Variants in ZSWIM5 observed in about 807,000 individuals in gnomAD.
The protein encoded by ZSWIM5 is zinc finger SWIM domain-containing protein 5.
ZSWIM5 carries 55 observed loss-of-function variants against 119.6 expected under a neutral mutation model. The ratio of observed to expected loss-of-function variants is 0.46; its 90% CI spans 0.37 to 0.58. The LOEUF (loss-of-function observed/expected upper bound fraction) is 0.58. Among genes scored for constraint, ZSWIM5 ranks in the 20% least tolerant of loss-of-function variants. The pLI, the probability that ZSWIM5 is intolerant of heterozygous loss-of-function variation, is 0.00. For synonymous variants in ZSWIM5, 537 were observed against 606.9 expected (o/e 0.88, Z 1.69); for missense variants, 1,193 against 1,512.8 (o/e 0.79, Z 3.51).
intron 6 of ZSWIM5, among the ~76,000 whole-genome samples, chr1:45,041,150 G>A (rs1451044846): frequency 6.6e-6 from 1 of 152,070 alleles, no homozygotes; most frequent in African/African-American, 2.4e-5. Flanking sequence ...CATAAGCAAG[G>A]GCATATTGTA....
At chr1:45,023,312 C>A (rs925152898) in intron 11 of ZSWIM5, among the ~76,000 whole-genome samples, 3 of 152,148 alleles carry the variant, frequency 2.0e-5, no homozygotes, top group Admixed American at 1.3e-4. Flanking sequence ...CCTTTTCCAG[C>A]ATATCATATA....
chr1:45,035,309 C>T (rs1278739159), intron 10 of ZSWIM5, among the ~76,000 whole-genome samples: 2 of 152,142 alleles, frequency 1.3e-5, no homozygotes, highest in African/African-American at 4.8e-5. Flanking sequence ...TCTCTACTTC[C>T]CCCAGCTTCT....
chr1:45,159,161 T>C (rs1039652347), intron 1 of ZSWIM5, among the ~76,000 whole-genome samples: 5 of 152,328 alleles, frequency 3.3e-5, no homozygotes, highest in Admixed American at 6.5e-5. Context: ...TTTAAGCAAC[T>C]AAGTTATACT....
rs1481549821 is a variant in ZSWIM5, at chr1:45,072,815, G to A, written c.953-12568C>T. ...TTTATGACAGTACCATGCTATTTTGGTTACTATAGCTCTGTAGTATAATGT... is the reference window on the plus strand; with the variant it reads ...TTTATGACAGTACCATGCTATTTTGATTACTATAGCTCTGTAGTATAATGT... On this transcript the variant is annotated intron_variant, in intron 2 of 13. Transcript: ENST00000359600. This position sits in a 1 kb window ranked among gnomAD's most constrained non-coding sequence, Gnocchi z 4.1. 7.2e-5 allele frequency among the ~76,000 whole-genome samples: 11 copies of A among 151,866 alleles called. 1 individual carries two copies. Among genetic ancestry groups the A allele is most frequent in the African/African-American group, 2.7e-4 (11 of 41,200 alleles).
intron 1 of ZSWIM5, among the ~76,000 whole-genome samples, chr1:45,093,135 A>G (rs1048603088): frequency 6.6e-6 from 1 of 152,236 alleles, no homozygotes; most frequent in Admixed American, 6.5e-5. Flanking sequence ...CTGAAGCTCA[A>G]ACTCTTAACT....
chr1:45,063,107 G>T (rs747893080), intron 2 of ZSWIM5, among the ~76,000 whole-genome samples: 1 of 152,138 alleles, frequency 6.6e-6, no homozygotes, highest in Non-Finnish European at 1.5e-5. Flanking sequence ...ATTTACTTAG[G>T]ATAATGGCCT....
chr1:45,020,661 G>A lies in ZSWIM5; in HGVS notation c.2577C>T (p.Ser859=). ...IATPTDSSTD[S]TLLNVALELG... ...GTTCCAGGGCAACGTTGAGCAGGGT[G>A]CTGTCAGTACTACTGTCGGTGGGAG... is the stretch of plus-strand genomic sequence containing the variant. The change falls in exon 12 of 14, where the codon AGC becomes AGT. Residue 859 remains serine, a synonymous_variant. Transcript: ENST00000359600. 6.2e-7 allele frequency: 1 copy of A among 1,614,138 alleles called. No individual in the cohort carries two copies. The highest frequency in any genetic ancestry group is 8.5e-7 in the Non-Finnish European group (1 of 1,180,030).
intron 2 of ZSWIM5, among the ~76,000 whole-genome samples, chr1:45,079,398 A>G (rs1004526647): frequency 2.0e-5 from 3 of 152,094 alleles, no homozygotes; most frequent in Non-Finnish European, 4.4e-5. Context: ...GGAGCCTCCC[A>G]TGGCCACCAT....
Position 45,109,891 on chromosome 1 carries a change from G to A in ZSWIM5, c.596-21654C>T, listed in dbSNP as rs75489908. 6.8e-3 allele frequency among the ~76,000 whole-genome samples: 1,032 copies of A among 151,294 alleles called. 10 individuals are homozygous for A. Among genetic ancestry groups the A allele is most frequent in the African/African-American group, 0.022 (921 of 41,212 alleles). On this transcript the variant is annotated intron_variant, in intron 1 of 13. Transcript: ENST00000359600. ...TATTTTTCCTTTTTTTTTAGGCAAG[G>A]TCTCGCTGTGTTACACAGGCTAGAG... is the stretch of plus-strand genomic sequence containing the variant.
chr1:45,180,735 G>C (rs1160474503), intron 1 of ZSWIM5, among the ~76,000 whole-genome samples: 2 of 152,096 alleles, frequency 1.3e-5, no homozygotes, highest in Non-Finnish European at 2.9e-5. Flanking sequence ...CTGAGACAAA[G>C]CTTCCAGAGG....
chr1:45,024,293 G>C (rs1644907584), intron 11 of ZSWIM5, among the ~76,000 whole-genome samples: 1 of 149,474 alleles, frequency 6.7e-6, no homozygotes, highest in African/African-American at 2.5e-5. Flanking sequence ...CTGGGTTCAA[G>C]CGATTCTTTT....
intron 1 of ZSWIM5, among the ~76,000 whole-genome samples, chr1:45,173,061 A>G (rs1645955927): frequency 6.6e-6 from 1 of 152,088 alleles, no homozygotes; most frequent in African/African-American, 2.4e-5. Flanking sequence ...ACTTCTTGGG[A>G]GGCTGAGGCA....
chr1:45,204,953 G>C (rs961594216), intron 1 of ZSWIM5, among the ~76,000 whole-genome samples: 3 of 151,930 alleles, frequency 2.0e-5, no homozygotes, highest in Non-Finnish European at 2.9e-5. Flanking sequence ...TAGAAGCTCC[G>C]GAGGAGTAAA....
At chr1:45,085,706 T>C (rs1645323349) in intron 2 of ZSWIM5, among the ~76,000 whole-genome samples, 1 of 152,044 alleles carries the variant, frequency 6.6e-6, no homozygotes, top group African/African-American at 2.4e-5. Context: ...ACATCTTTGC[T>C]CCAGTTCCCA....
intron 5 of ZSWIM5, among the ~76,000 whole-genome samples, chr1:45,044,764 T>TATATATATAAATATATATATATAA (rs1645039720): frequency 7.6e-4 from 1 of 1,324 alleles, no homozygotes; most frequent in African/African-American, 1.9e-3. Flanking sequence ...TATATATATA[T>TATATATATAAATATATATATATAA]ATATATATAT....
chr1:45,067,793 T>G (rs1303267855), intron 2 of ZSWIM5, among the ~76,000 whole-genome samples: 1 of 152,226 alleles, frequency 6.6e-6, no homozygotes, highest in African/African-American at 2.4e-5. Context: ...ATATGTTCAC[T>G]GGTTAGAATA....
intron 4 of ZSWIM5, among the ~76,000 whole-genome samples, chr1:45,051,465 G>A (rs1038891634): frequency 6.6e-6 from 1 of 152,090 alleles, no homozygotes; most frequent in African/African-American, 2.4e-5. Flanking sequence ...CAATCTGTGT[G>A]CCTGTGATAT....
intron 1 of ZSWIM5, among the ~76,000 whole-genome samples, chr1:45,109,057 C>A (rs1348012085): frequency 1.3e-5 from 2 of 152,226 alleles, no homozygotes; most frequent in Non-Finnish European, 2.9e-5. Context: ...CACCCTCTAG[C>A]TCTAGTCTTT....
chr1:45,022,255 C>A (rs530759978), intron 11 of ZSWIM5, among the ~76,000 whole-genome samples: 2 of 151,212 alleles, frequency 1.3e-5, no homozygotes, highest in Non-Finnish European at 2.9e-5. Flanking sequence ...CTCAGCCTCC[C>A]GCGTAGCTGA....
Sources: allele counts gnomAD v4.1 joint callset (sites outside exome capture counted in the v4.1 genomes callset), GRCh38; gene constraint gnomAD v4.1.1; non-coding constraint Gnocchi (gnomAD v3.1); transcripts MANE v1.5; gene names NCBI Gene and HGNC (gene_info 2026-07-23, HGNC 2026-07-21).